The following ADAM10 variants were observed in gnomAD, a reference collection of about 807,000 sequenced individuals.
The protein encoded by ADAM10 is disintegrin and metalloproteinase domain-containing protein 10.
Under a neutral mutation model 90.1 loss-of-function variants are expected in ADAM10, and 17 were observed. The observed-to-expected ratio is 0.19, with a 90% CI of 0.13 to 0.28. The LOEUF (loss-of-function observed/expected upper bound fraction) is 0.28, where lower values mean the gene tolerates loss of function less well. Among genes scored for constraint, ADAM10 ranks in the 10% least tolerant of loss-of-function variants. The pLI is 1.00. For synonymous variants in ADAM10, 310 were observed against 298.6 expected (o/e 1.04, Z -0.40); for missense variants, 610 against 914.3 (o/e 0.67, Z 4.29).
At chr15:58,626,149 C>CA (rs11433151) in intron 10 of ADAM10, among the ~76,000 whole-genome samples, 9,725 of 137,580 alleles carry the variant, frequency 0.071, 1,008 homozygotes, top group African/African-American at 0.23. Context: ...GAAATGAGAA[C>CA]AAAAAAAAAA....
rs563803236 is a variant in ADAM10, at chr15:58,668,955, C to T, written c.485-3758G>A. Among the ~76,000 whole-genome samples the T allele has an allele frequency of 4.6e-5, 7 of 152,284 alleles. No individual in the cohort carries two copies. The South Asian group carries it at 6.2e-4, about 14-fold the overall frequency. On this transcript the variant is annotated intron_variant, in intron 4 of 15. Coordinates refer to ENST00000260408, the MANE Select transcript of ADAM10 (RefSeq NM_001110.4). The stretch of plus-strand genomic sequence containing the variant: ...TGTCTAACACTTTAAATTGTTTCTA[C>T]GGCAAAGTGTGTTCTAAATTCCTAA...
intron 2 of ADAM10, among the ~76,000 whole-genome samples, chr15:58,690,328 G>A (rs1021233303): frequency 1.4e-4 from 22 of 152,088 alleles, no homozygotes; most frequent in African/African-American, 5.1e-4. Context: ...TGGGAAGAAG[G>A]TAAAGATATT....
rs1435862752 is a variant in ADAM10, at chr15:58,711,684, C to T, written c.206+5893G>A. Among the ~76,000 whole-genome samples, 3 of 152,028 alleles carry T rather than the reference C, an allele frequency of 2.0e-5. No individual in the cohort carries two copies. The South Asian group carries it at 6.2e-4, about 32-fold the overall frequency. ...CAGAAAATAAAGACAAGATGCCTAC[C>T]CCAAAGTACATAATTTGGAAAACAA... is the stretch of plus-strand genomic sequence containing the variant. On this transcript the variant is annotated intron_variant, in intron 2 of 15. Coordinates refer to ENST00000260408, the MANE Select transcript of ADAM10 (RefSeq NM_001110.4).
Position 58,610,514 on chromosome 15 carries a change from T to G in ADAM10, c.1808A>C (p.Asp603Ala). The change falls in exon 14 of 16, where the codon GAC (aspartate) becomes GCC (alanine). Residue 603 changes from aspartate to alanine, a missense_variant. By Grantham distance (126) the Asp-to-Ala change is moderately radical. Coordinates refer to ENST00000260408, the MANE Select transcript of ADAM10 (RefSeq NM_001110.4). ...CCCTGTACTGGCACAAGTTGATGGG[T>G]CCACTGGAAAAGAAATGCCAAATAT... ...LCHVCCMKKM[D>A]PSTCASTGSV... The G allele has an allele frequency of 4.3e-6, 7 of 1,613,956 alleles. No homozygotes were observed. The highest frequency in any genetic ancestry group is 5.9e-6 in the Non-Finnish European group (7 of 1,179,920).
chr15:58,713,981 T>A (rs537103335), intron 2 of ADAM10, among the ~76,000 whole-genome samples: 1 of 152,168 alleles, frequency 6.6e-6, no homozygotes, highest in East Asian at 1.9e-4. Flanking sequence ...ATTGTTTGTA[T>A]TTTTAGTAGA....
intron 2 of ADAM10, among the ~76,000 whole-genome samples, chr15:58,696,613 C>G (rs1897987764): frequency 6.6e-6 from 1 of 151,980 alleles, no homozygotes; most frequent in Non-Finnish European, 1.5e-5. Flanking sequence ...TTACAGGCAT[C>G]TGCCATCATG....
rs945086948 is a variant in ADAM10, at chr15:58,749,453, C to A, written c.55+27G>T. ...CCGCCGCTCCGCCGTGGTCGCGGCG[C>A]CCCCGGCGCTCGCAGTCGTGCCTCA... On this transcript the variant is annotated intron_variant, in intron 1 of 15. Coordinates refer to ENST00000260408, the MANE Select transcript of ADAM10 (RefSeq NM_001110.4). The A allele has an allele frequency of 4.6e-6, 7 of 1,523,072 alleles. No homozygotes were observed. In the African/African-American group the frequency reaches 9.9e-5, roughly 22 times the overall value. The allele number at this position is 1,523,072 out of a possible 1,614,324, so 94.3% of individuals were successfully genotyped here. A position where few individuals can be genotyped will look rare whatever the true frequency, so the allele number is the denominator to read the frequency against.
intron 5 of ADAM10, among the ~76,000 whole-genome samples, chr15:58,663,973 A>T (rs768810819): frequency 6.6e-6 from 1 of 152,114 alleles, no homozygotes; most frequent in Non-Finnish European, 1.5e-5. Context: ...TTGCCAATAC[A>T]TTAGTACAGG....
At chr15:58,631,256 T>C (rs1038443999) in intron 9 of ADAM10, among the ~76,000 whole-genome samples, 4 of 152,142 alleles carry the variant, frequency 2.6e-5, no homozygotes, top group Non-Finnish European at 4.4e-5. Flanking sequence ...AGATATTCCC[T>C]TATAACAACA....
At chr15:58,654,521 G>A (rs550752409) in intron 5 of ADAM10, among the ~76,000 whole-genome samples, 37 of 152,190 alleles carry the variant, frequency 2.4e-4, no homozygotes, top group Middle Eastern at 3.4e-3. Context: ...TGGGACTACA[G>A]GCATGCACCA....
rs114572079 is a variant in ADAM10 at position 58,624,543 on chromosome 15, T to A, written c.1361-2922A>T. 6.3e-3 allele frequency among the ~76,000 whole-genome samples: 967 copies of A among 152,294 alleles called. 16 individuals carry two copies. The highest frequency in any genetic ancestry group is 0.022 in the African/African-American group (927 of 41,556). ...ACAACAATGAGGTACTGTTTGTTTG[T>A]TTGTCTGAGACAGAGTCTCGCTCTG... On this transcript the variant is annotated intron_variant, in intron 10 of 15. Coordinates refer to ENST00000260408, the MANE Select transcript of ADAM10 (RefSeq NM_001110.4).
chr15:58,606,056 ATATGATCCTTTCAATGAATACTGCAGTGT>A (rs1895263846), intron 14 of ADAM10, among the ~76,000 whole-genome samples: 2 of 152,194 alleles, frequency 1.3e-5, no homozygotes, highest in South Asian at 2.1e-4. Flanking sequence ...AAAGTCAACC[ATATGATCCTTTCAATGAATACTGCAGTGT>A]TCAACAACGC....
intron 1 of ADAM10, among the ~76,000 whole-genome samples, chr15:58,741,837 T>G (rs1466479272): frequency 6.6e-6 from 1 of 152,202 alleles, no homozygotes; most frequent in Non-Finnish European, 1.5e-5. Flanking sequence ...GTCCATAATA[T>G]TCTATCTCAT....
chr15:58,648,768 A>C (rs1291785194), intron 5 of ADAM10, among the ~76,000 whole-genome samples: 2 of 152,122 alleles, frequency 1.3e-5, no homozygotes, highest in Non-Finnish European at 2.9e-5. Flanking sequence ...AATATTACGG[A>C]CATACAAATT....
intron 2 of ADAM10, 44 bp from the exon 3 acceptor site, chr15:58,682,358 A>T (rs1897465333): frequency 1.9e-6 from 3 of 1,591,712 alleles, no homozygotes; most frequent in Non-Finnish European, 2.6e-6. Flanking sequence ...AATTAAAAAG[A>T]TCCAAATTTT....
rs549130118 is a variant in ADAM10 at position 58,626,509 on chromosome 15, A to C, written c.1360+1191T>G. Among the ~76,000 whole-genome samples, 35 of 152,208 alleles carry C rather than the reference A, an allele frequency of 2.3e-4. No individual in the cohort carries two copies. In the South Asian group the frequency reaches 6.0e-3, roughly 26 times the overall value. ...AATAGGACAAGGACACACACACACA[A>C]AAAAACCCTAATACAAAGTAAATAT... On this transcript the variant is annotated intron_variant, in intron 10 of 15. Transcript: ENST00000260408.
intron 1 of ADAM10, among the ~76,000 whole-genome samples, chr15:58,717,995 T>C (rs1290702284): frequency 2.6e-5 from 4 of 152,146 alleles, no homozygotes; most frequent in Non-Finnish European, 5.9e-5. Flanking sequence ...TATTCACATT[T>C]TGCTGATAAA....
chr15:58,702,611 A>G (rs761403200), intron 2 of ADAM10, among the ~76,000 whole-genome samples: 13 of 152,252 alleles, frequency 8.5e-5, no homozygotes, highest in Non-Finnish European at 1.8e-4. Flanking sequence ...ATTTTTTAAA[A>G]TAATTTTTAA....
Position 58,745,903 on chromosome 15 carries a change from G to A in ADAM10, c.55+3577C>T, listed in dbSNP as rs552382159. 7.2e-5 allele frequency among the ~76,000 whole-genome samples: 11 copies of A among 152,196 alleles called. No homozygotes were observed. The South Asian group carries it at 2.1e-3, about 29-fold the overall frequency. ...GTATCTGGATTTCCAAGTCTTCCCC[G>A]AAAATCCAGAAATCCATGAATTTCA... is the stretch of plus-strand genomic sequence containing the variant. On this transcript the variant is annotated intron_variant, in intron 1 of 15. Coordinates refer to ENST00000260408, the MANE Select transcript of ADAM10 (RefSeq NM_001110.4).
Sources: allele counts gnomAD v4.1 joint callset (sites outside exome capture counted in the v4.1 genomes callset), GRCh38; gene constraint gnomAD v4.1.1; transcripts MANE v1.5; gene names NCBI Gene and HGNC (gene_info 2026-07-23, HGNC 2026-07-21).